SP100: variants seen among roughly 807,000 people sequenced by gnomAD.
SP100 encodes SP100 nuclear body protein.
SP100 carries 84 observed loss-of-function variants against 130.0 expected under a neutral mutation model. That is an observed-to-expected ratio of 0.65 (90% CI 0.54 to 0.77). SP100 has a LOEUF of 0.77. SP100 is among the 30% of genes least tolerant of loss of function. The pLI is 0.00. For missense variants in SP100, 978 were observed against 1,052.2 expected (o/e 0.93, Z 0.97); for synonymous variants, 331 against 351.7 (o/e 0.94, Z 0.66).
At chr2:230,459,089 T>C (rs1181064843) in intron 8 of SP100, among the ~76,000 whole-genome samples, 5 of 152,018 alleles carry the variant, frequency 3.3e-5, no homozygotes, top group Non-Finnish European at 7.4e-5. Flanking sequence ...GTTCTGTCTC[T>C]AAGAGACAAT....
chr2:230,490,232 C>T (rs992079977), intron 17 of SP100, among the ~76,000 whole-genome samples: 4 of 151,798 alleles, frequency 2.6e-5, no homozygotes, highest in Non-Finnish European at 4.4e-5. Flanking sequence ...GAATTTTTCC[C>T]TTTACCATTA....
At chr2:230,431,633 T>A (rs1256138601) in intron 2 of SP100, among the ~76,000 whole-genome samples, 2 of 152,216 alleles carry the variant, frequency 1.3e-5, no homozygotes, top group Admixed American at 1.3e-4. Flanking sequence ...GATGTGCCTT[T>A]TAAATCTAAG....
At chr2:230,515,668 T>C in intron 24 of SP100, 1 of 1,579,874 alleles carries the variant, frequency 6.3e-7, no homozygotes, top group Non-Finnish European at 8.5e-7. Context: ...TTTTTTCTTG[T>C]CTATAAAGCA....
intron 2 of SP100, among the ~76,000 whole-genome samples, chr2:230,426,233 C>T (rs1299979142): frequency 6.6e-6 from 1 of 151,990 alleles, no homozygotes; most frequent in Non-Finnish European, 1.5e-5. Flanking sequence ...TATTGTTTTC[C>T]TATTACCTAT....
intron 17 of SP100, among the ~76,000 whole-genome samples, chr2:230,474,685 C>T (rs2065450707): frequency 6.6e-6 from 1 of 152,124 alleles, no homozygotes; most frequent in Non-Finnish European, 1.5e-5. Flanking sequence ...CCACCCTCTC[C>T]CCCTGCCCCA....
At chr2:230,540,853 T>C in intron 25 of SP100, 23 bp from the exon 26 acceptor site, 1 of 1,592,602 alleles carries the variant, frequency 6.3e-7, no homozygotes, top group Non-Finnish European at 8.6e-7. Flanking sequence ...CTGCCATTGC[T>C]CACTTTATGC....
intron 27 of SP100, 137 bp from the exon 28 acceptor site, chr2:230,541,755 T>C: frequency 1.2e-6 from 1 of 849,372 alleles, no homozygotes; most frequent in Non-Finnish European, 1.8e-6. Context: ...CTCCCAAAGG[T>C]CCCACCTCCT....
chr2:230,490,073 A>G (rs549776501), intron 17 of SP100, among the ~76,000 whole-genome samples: 45 of 152,146 alleles, frequency 3.0e-4, no homozygotes, highest in African/African-American at 9.6e-4. Flanking sequence ...ATCCTTGTTA[A>G]TTTTCTGTCT....
At chr2:230,500,327 G>A (rs928144934) in intron 19 of SP100, among the ~76,000 whole-genome samples, 12 of 152,148 alleles carry the variant, frequency 7.9e-5, no homozygotes, top group Admixed American at 4.6e-4. Context: ...CCACTGGAAA[G>A]CACAGTTCTG....
At chr2:230,436,941 CGCATATATGTGTATACACACACAT>C (rs2063304233) in intron 2 of SP100, among the ~76,000 whole-genome samples, 4 of 124,416 alleles carry the variant, frequency 3.2e-5, no homozygotes, top group African/African-American at 1.3e-4. Flanking sequence ...TATACACACA[CGCATATATGTGTATACACACACAT>C]ATATATGTGT....
intron 17 of SP100, among the ~76,000 whole-genome samples, chr2:230,477,260 G>T (rs191493734): frequency 3.9e-5 from 6 of 152,128 alleles, no homozygotes; most frequent in Admixed American, 3.9e-4. Context: ...CATATACGTT[G>T]CTAGTATTTT....
At position 230,506,460 on chromosome 2, in the gene SP100, G is replaced by A. The variant is rs1342705344; in HGVS notation, c.2013+15G>A. 1.2e-6 allele frequency: 2 copies of A among 1,612,544 alleles called. No individual in the cohort carries two copies. The highest frequency in any genetic ancestry group is 1.7e-6 in the Non-Finnish European group (2 of 1,178,862). On this transcript the variant is annotated intron_variant, in intron 22 of 28. Transcript: ENST00000340126. ...TCCTGATGGAGGTATTCTAGTGACA[G>A]ATGGCTGAAACCAAGGATTTAGCTG...
intron 23 of SP100, chr2:230,508,703 A>G (rs1690325148): frequency 6.6e-6 from 1 of 152,166 alleles, no homozygotes; most frequent in Non-Finnish European, 1.5e-5. Context: ...GTGCCTTTGC[A>G]ACCTCAACAT....
At chr2:230,482,449 C>T (rs1376687092) in intron 17 of SP100, among the ~76,000 whole-genome samples, 5 of 152,138 alleles carry the variant, frequency 3.3e-5, no homozygotes, top group Non-Finnish European at 5.9e-5. Context: ...ACTCCTAATC[C>T]TTGTGATCAC....
intron 24 of SP100, among the ~76,000 whole-genome samples, chr2:230,531,746 T>C (rs1291034949): frequency 6.6e-6 from 1 of 152,122 alleles, no homozygotes; most frequent in Non-Finnish European, 1.5e-5. Flanking sequence ...GTTACATACC[T>C]AAAGTGAGTT....
At position 230,455,438 on chromosome 2, in the gene SP100, GCTTT is replaced by G. The variant is rs1263965055; in HGVS notation, c.820+5193_820+5196del. On this transcript the variant is annotated intron_variant, in intron 8 of 28. Transcript: ENST00000340126. The stretch of plus-strand genomic sequence containing the variant: ...TCTCATCTGACGTAAGTACACCTGT[GCTTT>G]CTTTCTTTCATTTCCATTTGCATGA... Among the ~76,000 whole-genome samples the G allele has an allele frequency of 5.9e-5, 9 of 152,184 alleles. No homozygotes were observed. The East Asian group carries it at 1.2e-3, about 20-fold the overall frequency.
intron 14 of SP100, 65 bp downstream of exon 14, chr2:230,469,161 T>C: frequency 9.9e-7 from 1 of 1,005,192 alleles, no homozygotes; most frequent in South Asian, 1.4e-5. Context: ...CTACATTCAC[T>C]TTTTATGTTA....
At chr2:230,515,729 G>C in intron 24 of SP100, 2 of 1,517,186 alleles carry the variant, frequency 1.3e-6, no homozygotes, top group Non-Finnish European at 1.7e-6. Flanking sequence ...AAACTTCAAC[G>C]TAAGACTGTG....
intron 8 of SP100, among the ~76,000 whole-genome samples, chr2:230,458,963 G>A (rs1056825382): frequency 3.9e-5 from 6 of 152,280 alleles, no homozygotes; most frequent in East Asian, 3.9e-4. Flanking sequence ...GGCCTGGCAC[G>A]AGGTGAGGCA....
Sources: gnomAD v4.1 joint callset for allele counts (sites outside exome capture counted in the v4.1 genomes callset) on GRCh38, gnomAD v4.1.1 for gene constraint, MANE v1.5 for transcripts, NCBI Gene and HGNC (gene_info 2026-07-23, HGNC 2026-07-21) for gene names.